BRIP1: variants seen among roughly 807,000 people sequenced by gnomAD.
The protein encoded by BRIP1 is BRCA1 interacting DNA helicase 1, also known as Fanconi anemia group J protein.
In BRIP1, 88 loss-of-function variants were observed where a neutral mutation model predicts 119.7. That is an observed-to-expected ratio of 0.74 (90% CI 0.62 to 0.88). BRIP1 has a LOEUF of 0.88. Ranked by LOEUF, BRIP1 falls within the 40% of genes least tolerant of loss-of-function variation. BRIP1 has a pLI of 0.00. For synonymous variants in BRIP1, 443 were observed against 496.5 expected (o/e 0.89, Z 1.43); for missense variants, 1,259 against 1,455.4 (o/e 0.87, Z 2.20).
In BRIP1 at chr17:61,713,911, A is replaced by C. The variant is rs2061818589; in HGVS notation, c.2492+2040T>G. On this transcript the variant is annotated intron_variant, in intron 17 of 19. Coordinates refer to ENST00000259008, the MANE Select transcript of BRIP1 (RefSeq NM_032043.3). This position sits in a 1 kb window ranked among gnomAD's most constrained non-coding sequence, Gnocchi z 4.9. The stretch of plus-strand genomic sequence containing the variant: ...AAAAAGCTTATAGAATAAGGATATA[A>C]AAATTATTTTTGTACAGCTGTATAA... Among the ~76,000 whole-genome samples, 1 of 152,096 alleles carries C rather than the reference A, an allele frequency of 6.6e-6. No homozygotes were observed. The highest frequency in any genetic ancestry group is 2.1e-4 in the South Asian group (1 of 4,822).
At chr17:61,782,779 T>C (rs1239020734) in intron 11 of BRIP1, among the ~76,000 whole-genome samples, 1 of 152,136 alleles carries the variant, frequency 6.6e-6, no homozygotes, top group East Asian at 1.9e-4. Flanking sequence ...CTCTAGTCAT[T>C]AGGAAATACA....
Position 61,796,159 on chromosome 17 carries a change from T to C in BRIP1, c.1341-2430A>G, listed in dbSNP as rs2077896190. Among the ~76,000 whole-genome samples the C allele has an allele frequency of 6.6e-6, 1 of 152,134 alleles. No individual in the cohort carries two copies. The highest frequency in any genetic ancestry group is 2.1e-4 in the South Asian group (1 of 4,818). On this transcript the variant is annotated intron_variant, in intron 9 of 19. Transcript: ENST00000259008. The surrounding 1 kb of genome is among the most constrained non-coding windows in gnomAD (Gnocchi z 4.8). ...CTTATATATTCTGGTTATTAATCCC[T>C]TGTCAGATGGGTAGTTTGCAAATAT...
chr17:61,787,708 G>A (rs1037035765), intron 10 of BRIP1, among the ~76,000 whole-genome samples: 2 of 151,826 alleles, frequency 1.3e-5, no homozygotes, highest in Non-Finnish European at 2.9e-5. Context: ...GCAGTGGCGC[G>A]ATTTCGGCTC....
In BRIP1 at chr17:61,717,522, G is replaced by T. The variant is rs538634860; in HGVS notation, c.2380-1459C>A. 4.9e-4 allele frequency among the ~76,000 whole-genome samples: 75 copies of T among 152,120 alleles called. No homozygotes were observed. The highest frequency in any genetic ancestry group is 7.5e-4 in the Non-Finnish European group (51 of 67,954). ...TTGATCAAGAATTCTAAATTGACAG[G>T]TTTTTTCTTTTGTTAAAGACGGCTT... is the stretch of plus-strand genomic sequence containing the variant. On this transcript the variant is annotated intron_variant, in intron 16 of 19. Transcript: ENST00000259008. The surrounding 1 kb of genome is among the most constrained non-coding windows in gnomAD (Gnocchi z 4.1).
At chr17:61,836,297 G>A (rs2078573603) in intron 6 of BRIP1, among the ~76,000 whole-genome samples, 1 of 151,728 alleles carries the variant, frequency 6.6e-6, no homozygotes, top group Admixed American at 6.6e-5. Flanking sequence ...TTTGTTTTTT[G>A]TAGAGACAGG....
intron 17 of BRIP1, among the ~76,000 whole-genome samples, chr17:61,715,549 T>TG (rs2144373951): frequency 6.6e-6 from 1 of 152,302 alleles, no homozygotes; most frequent in South Asian, 2.1e-4. Context: ...CACTGGCTGG[T>TG]ATATCAATTT....
chr17:61,717,598 C>T lies in BRIP1; in HGVS notation c.2380-1535G>A, dbSNP rs1379700359. 6.6e-6 allele frequency among the ~76,000 whole-genome samples: 1 copy of T among 152,014 alleles called. No homozygotes were observed. Among genetic ancestry groups the T allele is most frequent in the Non-Finnish European group, 1.5e-5 (1 of 67,984 alleles). On this transcript the variant is annotated intron_variant, in intron 16 of 19. Transcript: ENST00000259008. The surrounding 1 kb of genome is among the most constrained non-coding windows in gnomAD (Gnocchi z 4.1). Reference sequence around the variant, plus strand: ...TCTGAAGAAAAAATATGCTATTGTCCTATCTCTGTAATGTTCCCCTTTCTT... The same window carrying T: ...TCTGAAGAAAAAATATGCTATTGTCTTATCTCTGTAATGTTCCCCTTTCTT...
chr17:61,706,121 A>G lies in BRIP1; in HGVS notation c.2492+9830T>C, dbSNP rs945208172. 6.6e-6 allele frequency among the ~76,000 whole-genome samples: 1 copy of G among 151,908 alleles called. No individual in the cohort carries two copies. The highest frequency in any genetic ancestry group is 2.4e-5 in the African/African-American group (1 of 41,376). On this transcript the variant is annotated intron_variant, in intron 17 of 19. Coordinates refer to ENST00000259008, the MANE Select transcript of BRIP1 (RefSeq NM_032043.3). This position sits in a 1 kb window ranked among gnomAD's most constrained non-coding sequence, Gnocchi z 5.7. ...GGGTGCATACACATTTATGATTCTT[A>G]TGTCTTCTTGGTGAATTCACCCTTT...
At position 61,860,017 on chromosome 17, in the gene BRIP1, G is replaced by A. The variant is rs2078953477; in HGVS notation, c.94-110C>T. ...AGGAAAAGTGAGATTGCACTCCAGG[G>A]AACACAACAATAGCAGAAGGAACTC... is the stretch of plus-strand genomic sequence containing the variant. On this transcript the variant is annotated intron_variant, in intron 2 of 19. Coordinates refer to ENST00000259008, the MANE Select transcript of BRIP1 (RefSeq NM_032043.3). The surrounding 1 kb of genome is among the most constrained non-coding windows in gnomAD (Gnocchi z 4.1). 3 of 743,552 alleles carry A rather than the reference G, an allele frequency of 4.0e-6. No homozygotes were observed. The Admixed American group carries it at 6.0e-5, about 15-fold the overall frequency. 46.1% of individuals were successfully genotyped at this position (743,552 alleles called of 1,614,324 possible).
rs1193327271 is a variant in BRIP1, at chr17:61,717,436, CT to C, written c.2380-1374del. Among the ~76,000 whole-genome samples, 2 of 152,028 alleles carry C rather than the reference CT, an allele frequency of 1.3e-5. No individual in the cohort carries two copies. The highest frequency in any genetic ancestry group is 2.4e-5 in the African/African-American group (1 of 41,418). On this transcript the variant is annotated intron_variant, in intron 16 of 19. Transcript: ENST00000259008. The surrounding 1 kb of genome is among the most constrained non-coding windows in gnomAD (Gnocchi z 4.1). ...AGTGCACGTTTGCTAGCAATGAGTT[CT>C]TTCAACTTTTCTTTTTCTGAAAAGA...
rs1048798621 is a variant in BRIP1 at position 61,774,587 on chromosome 17, TA to T, written c.2097+1813del. On this transcript the variant is annotated intron_variant, in intron 14 of 19. Transcript: ENST00000259008. The surrounding 1 kb of genome is among the most constrained non-coding windows in gnomAD (Gnocchi z 5.8). ...TACCCTAGAACTTAAAGTATAATAA[TA>T]AAAAAAGAAACTATGAGATAATAAA... Among the ~76,000 whole-genome samples the T allele has an allele frequency of 6.6e-6, 1 of 151,676 alleles. No individual in the cohort carries two copies. Among genetic ancestry groups the T allele is most frequent in the African/African-American group, 2.4e-5 (1 of 41,286 alleles).
chr17:61,728,313 C>CA (rs1338661426), intron 16 of BRIP1, among the ~76,000 whole-genome samples: 5,029 of 113,060 alleles, frequency 0.044, 190 homozygotes, highest in African/African-American at 0.11. Context: ...TTCAATAAGT[C>CA]AAAAAAAAAA....
chr17:61,836,250 A>G (rs2078572694), intron 6 of BRIP1, among the ~76,000 whole-genome samples: 2 of 151,510 alleles, frequency 1.3e-5, no homozygotes, highest in African/African-American at 2.4e-5. Flanking sequence ...AGCTGGGACC[A>G]CAGGCATGAG....
chr17:61,810,584 A>G lies in BRIP1; in HGVS notation c.628-1827T>C, dbSNP rs896868373. ...CAATGCACTGTTATGTACTATATAG[A>G]TACATTCTATCTAAGCATAAAAGTA... On this transcript the variant is annotated intron_variant, in intron 6 of 19. Transcript: ENST00000259008. The surrounding 1 kb of genome is among the most constrained non-coding windows in gnomAD (Gnocchi z 4.7). Among the ~76,000 whole-genome samples the G allele has an allele frequency of 6.6e-6, 1 of 152,190 alleles. No individual in the cohort carries two copies.
Position 61,754,027 on chromosome 17 carries a change from G to A in BRIP1, c.2098-9436C>T, listed in dbSNP as rs1046043108. Among the ~76,000 whole-genome samples the A allele has an allele frequency of 2.0e-5, 3 of 152,086 alleles. No homozygotes were observed. The highest frequency in any genetic ancestry group is 4.8e-5 in the African/African-American group (2 of 41,402). ...CTTTACTGCTACCACAGTGGTCCAAGCCACCACCATCTATCATCTAGATTA... is the reference window on the plus strand; with the variant it reads ...CTTTACTGCTACCACAGTGGTCCAAACCACCACCATCTATCATCTAGATTA... On this transcript the variant is annotated intron_variant, in intron 14 of 19. Transcript: ENST00000259008. The surrounding 1 kb of genome is among the most constrained non-coding windows in gnomAD (Gnocchi z 4.1).
chr17:61,747,646 A>T (rs181906725), intron 14 of BRIP1, among the ~76,000 whole-genome samples: 119 of 152,240 alleles, frequency 7.8e-4, no homozygotes, highest in Middle Eastern at 6.8e-3. Context: ...ATCAAAGAAA[A>T]GCTAAGGACC....
chr17:61,692,568 A>T (rs1197414147), intron 18 of BRIP1, among the ~76,000 whole-genome samples: 1 of 152,198 alleles, frequency 6.6e-6, no homozygotes, highest in Non-Finnish European at 1.5e-5. Flanking sequence ...ATGTTTCTCC[A>T]AAGAAGACAT....
intron 16 of BRIP1, among the ~76,000 whole-genome samples, chr17:61,737,149 TGAA>T (rs1298958608): frequency 6.6e-6 from 1 of 151,938 alleles, no homozygotes; most frequent in Non-Finnish European, 1.5e-5. Context: ...AAGGAAATGA[TGAA>T]GGATTGAGGA....
At position 61,860,250 on chromosome 17, in the gene BRIP1, T is replaced by C. The variant is rs1252642947; in HGVS notation, c.94-343A>G. Among the ~76,000 whole-genome samples the C allele has an allele frequency of 1.3e-5, 2 of 152,208 alleles. No homozygotes were observed. The highest frequency in any genetic ancestry group is 4.8e-5 in the African/African-American group (2 of 41,464). ...AGGATACTGCTAGTGAGAGTACAAA[T>C]TGTTACAACTACTTGGTAGAGAAAT... On this transcript the variant is annotated intron_variant, in intron 2 of 19. Transcript: ENST00000259008. The surrounding 1 kb of genome is among the most constrained non-coding windows in gnomAD (Gnocchi z 4.1).
Sources: allele counts gnomAD v4.1 joint callset (sites outside exome capture counted in the v4.1 genomes callset), GRCh38; gene constraint gnomAD v4.1.1; non-coding constraint Gnocchi (gnomAD v3.1); transcripts MANE v1.5; gene names NCBI Gene and HGNC (gene_info 2026-07-23, HGNC 2026-07-21).